The following SSH1 variants were observed in gnomAD, a reference collection of about 807,000 sequenced individuals.
The protein encoded by SSH1 is slingshot protein phosphatase 1, also known as protein phosphatase Slingshot homolog 1.
A neutral mutation model predicts 79.7 loss-of-function variants in SSH1; 43 were observed. That is an observed-to-expected ratio of 0.54 (90% CI 0.42 to 0.70). The LOEUF (loss-of-function observed/expected upper bound fraction) is 0.70. SSH1 is among the 30% of genes least tolerant of loss of function. The pLI, the probability that SSH1 is intolerant of heterozygous loss-of-function variation, is 0.00. For synonymous variants in SSH1, 599 were observed against 538.3 expected, an observed-to-expected ratio of 1.11 and a Z score of -1.56; for missense variants, 1,206 against 1,358.8, an observed-to-expected ratio of 0.89 and a Z score of 1.77.
At chr12:108,801,318 A>G (rs986133841) in intron 11 of SSH1, among the ~76,000 whole-genome samples, 1 of 152,214 alleles carries the variant, frequency 6.6e-6, no homozygotes, top group African/African-American at 2.4e-5. Flanking sequence ...ATATCCATCC[A>G]TTATCTATAT....
At chr12:108,846,499 T>C (rs545982122) in intron 2 of SSH1, among the ~76,000 whole-genome samples, 1 of 152,166 alleles carries the variant, frequency 6.6e-6, no homozygotes, top group Non-Finnish European at 1.5e-5. Context: ...AAAGAGGGAC[T>C]ACGAGCGGCC....
In SSH1 at chr12:108,792,760, A is replaced by AG; in HGVS notation, c.1418dup (p.Ala474CysfsTer24). 6.2e-7 allele frequency: 1 copy of AG among 1,613,990 alleles called. No individual in the cohort carries two copies. Among genetic ancestry groups the AG allele is most frequent in the Non-Finnish European group, 8.5e-7 (1 of 1,180,048 alleles). On this transcript the variant is annotated frameshift_variant, in exon 14 of 15. Coordinates refer to ENST00000326495, the MANE Select transcript of SSH1 (RefSeq NM_018984.4). LOFTEE classifies it high-confidence loss of function. ...CTGGCAAGAAGTCGCCAGGTCCTGC[A>AG]GGGTCATCCACAGGCTGCTGGAGGC... is the stretch of plus-strand genomic sequence containing the variant.
Position 108,787,969 on chromosome 12 carries a change from T to C in SSH1, c.*19A>G, listed in dbSNP as rs117299103. The C allele has an allele frequency of 6.3e-4, 1,024 of 1,614,134 alleles. 10 individuals carry two copies. In the East Asian group the frequency reaches 0.02, roughly 32 times the overall value. On this transcript the variant is annotated 3_prime_UTR_variant, in exon 15 of 15. Transcript: ENST00000326495. ...ATCATATGAAAATATCCGCCCAGCCTGACGCAGCAAAAGGCGGGTCAGCTT... is the reference window on the plus strand; with the variant it reads ...ATCATATGAAAATATCCGCCCAGCCCGACGCAGCAAAAGGCGGGTCAGCTT...
chr12:108,788,665 G>C lies in SSH1; in HGVS notation c.2473C>G (p.His825Asp). 6.2e-7 allele frequency: 1 copy of C among 1,614,090 alleles called. No individual in the cohort carries two copies. The highest frequency in any genetic ancestry group is 8.5e-7 in the Non-Finnish European group (1 of 1,180,042). The change falls in exon 15 of 15, where the codon CAC becomes GAC. Residue 825 changes from histidine to aspartate, a missense_variant. Around this residue, in one of 5 missense-constraint regions of SSH1, gnomAD observed 709 missense variants for 730.6 expected, o/e 0.97. Coordinates refer to ENST00000326495, the MANE Select transcript of SSH1 (RefSeq NM_018984.4). ...TTCAGCCGCTCTAGCTCTTTGGTGT[G>C]CTTGCGGACCAAGCCTGCCTTCTGC... ...QLQKAGLVRK[H>D]TKELERLKSV...
At chr12:108,832,685 T>C (rs2038503233) in intron 2 of SSH1, among the ~76,000 whole-genome samples, 2 of 152,212 alleles carry the variant, frequency 1.3e-5, no homozygotes, top group African/African-American at 4.8e-5. Context: ...GGTTCTTCCC[T>C]CATTTGGAAC....
At chr12:108,816,634 T>C (rs916246959) in intron 5 of SSH1, among the ~76,000 whole-genome samples, 5 of 152,190 alleles carry the variant, frequency 3.3e-5, no homozygotes, top group African/African-American at 1.2e-4. Context: ...CCAATCTCCA[T>C]ACTTCTCCCC....
chr12:108,849,836 G>C (rs1410045651), intron 2 of SSH1, among the ~76,000 whole-genome samples: 2 of 113,042 alleles, frequency 1.8e-5, no homozygotes, highest in Non-Finnish European at 3.6e-5. Flanking sequence ...CAGGGGAGGA[G>C]GCATGGGGGA....
At position 108,817,836 on chromosome 12, in the gene SSH1, T is replaced by C. The variant is rs1056627379; in HGVS notation, c.279+413A>G. Among the ~76,000 whole-genome samples the C allele has an allele frequency of 2.0e-5, 3 of 152,162 alleles. No individual in the cohort carries two copies. In the South Asian group the frequency reaches 6.2e-4, roughly 31 times the overall value. ...TGGCTTTAGTGCACAATTTGAGAAT[T>C]TGTTGTAACCTAAAAGCTTTTCCCC... On this transcript the variant is annotated intron_variant, in intron 4 of 14. Transcript: ENST00000326495.
chr12:108,799,685 TG>T (rs763862476), intron 12 of SSH1, among the ~76,000 whole-genome samples: 1 of 152,098 alleles, frequency 6.6e-6, no homozygotes, highest in Non-Finnish European at 1.5e-5. Flanking sequence ...TGCAAGGCCC[TG>T]GGGAGAGCGA....
At chr12:108,854,878 C>T (rs1292563670) in intron 1 of SSH1, among the ~76,000 whole-genome samples, 1 of 152,240 alleles carries the variant, frequency 6.6e-6, no homozygotes. Context: ...CCCATACACA[C>T]TTGCTGTCTC....
At chr12:108,816,929 A>G (rs1423671505) in intron 5 of SSH1, 109 bp downstream of exon 5, 4 of 1,548,008 alleles carry the variant, frequency 2.6e-6, no homozygotes, top group Non-Finnish European at 3.5e-6. Flanking sequence ...GCTCTCCATC[A>G]GGACGCAGCC....
intron 2 of SSH1, among the ~76,000 whole-genome samples, chr12:108,849,353 G>C (rs777794571): frequency 3.9e-5 from 6 of 152,170 alleles, no homozygotes; most frequent in Non-Finnish European, 7.3e-5. Context: ...AAGAGTTTGA[G>C]ACCAGCCTCA....
chr12:108,792,468 T>C lies in SSH1; in HGVS notation c.1711A>G (p.Lys571Glu), dbSNP rs1217821489. 1.2e-6 allele frequency: 2 copies of C among 1,614,074 alleles called. No homozygotes were observed. The highest frequency in any genetic ancestry group is 2.7e-5 in the African/African-American group (2 of 74,926). The change falls in exon 14 of 15, where the codon AAA (lysine) becomes GAA (glutamate). Residue 571 changes from lysine (K) to glutamate (E), a missense_variant. Around this residue, in one of 5 missense-constraint regions of SSH1, gnomAD observed 709 missense variants for 730.6 expected, o/e 0.97. Coordinates refer to ENST00000326495, the MANE Select transcript of SSH1 (RefSeq NM_018984.4). ...CCTTTGGGACTCCCAAACTCTAGTT[T>C]CTTCTTCACATCCTTCTCACAGAGT... The part of the protein sequence containing the change: ...SGLCEKDVKK[K>E]LEFGSPKGRS...
chr12:108,796,931 G>A (rs575849841), intron 13 of SSH1, among the ~76,000 whole-genome samples: 23 of 152,026 alleles, frequency 1.5e-4, no homozygotes, highest in African/African-American at 5.5e-4. Context: ...TAGTAGAGAT[G>A]GGGTTTCTCC....
rs200163462 is a variant in SSH1, at chr12:108,792,273, G to A, written c.1893+13C>T. 7.6e-5 allele frequency: 122 copies of A among 1,614,160 alleles called. 1 individual carries two copies. In the East Asian group the frequency reaches 1.6e-3, roughly 21 times the overall value. ...GATGGGGTGTGCCACCCTGCAGGCC[G>A]GGCTCTGCCTACCTCCATGCCGTTG... On this transcript the variant is annotated intron_variant, in intron 14 of 14. Coordinates refer to ENST00000326495, the MANE Select transcript of SSH1 (RefSeq NM_018984.4).
At chr12:108,825,836 C>G (rs1247512289) in intron 2 of SSH1, among the ~76,000 whole-genome samples, 1 of 152,224 alleles carries the variant, frequency 6.6e-6, no homozygotes, top group African/African-American at 2.4e-5. Context: ...ATTTCACAGG[C>G]TGCAGAATCA....
chr12:108,840,788 G>C lies in SSH1; in HGVS notation c.110+11850C>G, dbSNP rs1015749783. 9.2e-5 allele frequency among the ~76,000 whole-genome samples: 14 copies of C among 152,252 alleles called. No individual in the cohort carries two copies. In the East Asian group the frequency reaches 2.7e-3, roughly 29 times the overall value. Reference sequence around the variant, plus strand: ...TGCTTTGTGTATGGCTCTGCTCCTGGGGGCAGACGCGGCAGGCTAAGCCCT... The same window carrying C: ...TGCTTTGTGTATGGCTCTGCTCCTGCGGGCAGACGCGGCAGGCTAAGCCCT... On this transcript the variant is annotated intron_variant, in intron 2 of 14. Coordinates refer to ENST00000326495, the MANE Select transcript of SSH1 (RefSeq NM_018984.4).
chr12:108,857,578 C>T lies in SSH1; in HGVS notation c.-82G>A, dbSNP rs1457027534. 4.8e-6 allele frequency: 4 copies of T among 831,378 alleles called. No homozygotes were observed. Among genetic ancestry groups the T allele is most frequent in the Non-Finnish European group, 5.8e-6 (4 of 691,920 alleles). 51.5% of individuals were successfully genotyped at this position (831,378 alleles called of 1,614,324 possible). On this transcript the variant is annotated 5_prime_UTR_variant, in exon 1 of 15. Transcript: ENST00000326495. This position sits in a 1 kb window ranked among gnomAD's most constrained non-coding sequence, Gnocchi z 4.7. ...ACCGCCGCCCGGGCCGGGCCCGGGGCCTCCTGGAGCCGCGCGCGGGCGGCC... is the reference window on the plus strand; with the variant it reads ...ACCGCCGCCCGGGCCGGGCCCGGGGTCTCCTGGAGCCGCGCGCGGGCGGCC...
intron 6 of SSH1, among the ~76,000 whole-genome samples, chr12:108,810,713 C>G (rs549943195): frequency 2.6e-5 from 4 of 152,238 alleles, no homozygotes; most frequent in Non-Finnish European, 5.9e-5. Flanking sequence ...CACTCCTCAC[C>G]GTGCCCACAC....
Sources: gnomAD v4.1 joint callset for allele counts (sites outside exome capture counted in the v4.1 genomes callset) on GRCh38, gnomAD v4.1.1 for gene constraint, gnomAD v4.1.1 regional missense constraint, Gnocchi (gnomAD v3.1) non-coding constraint, MANE v1.5 for transcripts, NCBI Gene and HGNC (gene_info 2026-07-23, HGNC 2026-07-21) for gene names.